The following SOS2 variants were observed in gnomAD, a reference collection of about 807,000 sequenced individuals.
The protein encoded by SOS2 is son of sevenless homolog 2.
SOS2 carries 65 observed loss-of-function variants against 148.2 expected under a neutral mutation model. The observed-to-expected ratio is 0.44, with a 90% confidence interval of 0.36 to 0.54. The LOEUF (loss-of-function observed/expected upper bound fraction) is 0.54. Among genes scored for constraint, SOS2 ranks in the 20% least tolerant of loss-of-function variants. The pLI, the probability that SOS2 is intolerant of heterozygous loss-of-function variation, is 0.00. For missense variants in SOS2, 1,341 were observed against 1,590.2 expected (o/e 0.84, Z 2.67); for synonymous variants, 539 against 537.1 (o/e 1.00, Z -0.05).
intron 16 of SOS2, among the ~76,000 whole-genome samples, chr14:50,140,388 T>C (rs1884231000): frequency 6.6e-6 from 1 of 152,232 alleles, no homozygotes; most frequent in Non-Finnish European, 1.5e-5. Context: ...ATTCAAATAT[T>C]TTTCCACTGA....
chr14:50,231,034 C>T (rs937991823), intron 1 of SOS2, 163 bp downstream of exon 1: 4 of 606,476 alleles, frequency 6.6e-6, no homozygotes, highest in African/African-American at 3.9e-5. Flanking sequence ...ACTTGAGAAA[C>T]GTCCTTCAGA....
intron 21 of SOS2, among the ~76,000 whole-genome samples, chr14:50,126,911 G>A (rs199550552): frequency 6.7e-6 from 1 of 150,038 alleles, no homozygotes. Context: ...ATGACAAAAT[G>A]AAAAAAAAAA....
intron 19 of SOS2, among the ~76,000 whole-genome samples, chr14:50,133,368 T>G (rs1883969895): frequency 6.6e-6 from 1 of 150,864 alleles, no homozygotes; most frequent in Non-Finnish European, 1.5e-5. Context: ...TGGCTAATTT[T>G]TTTGTATTTT....
intron 4 of SOS2, among the ~76,000 whole-genome samples, chr14:50,194,751 C>G (rs1886263105): frequency 6.7e-6 from 1 of 150,194 alleles, no homozygotes; most frequent in African/African-American, 2.4e-5. Context: ...GCGCTCCATA[C>G]TGGGTGACAG....
At chr14:50,188,438 T>C in intron 5 of SOS2, 59 bp downstream of exon 5, 2 of 1,148,954 alleles carry the variant, frequency 1.7e-6, no homozygotes, top group Non-Finnish European at 2.6e-6. Flanking sequence ...CTATTTATGA[T>C]TTTAAGCTGG....
rs1325424325 is a variant in SOS2 at position 50,117,806 on chromosome 14, C to G, written c.*538G>C. 6.6e-6 allele frequency: 1 copy of G among 152,198 alleles called. No individual in the cohort carries two copies. The highest frequency in any genetic ancestry group is 1.9e-4 in the East Asian group (1 of 5,202). 9.4% of individuals were successfully genotyped at this position (152,198 alleles called of 1,614,324 possible). On this transcript the variant is annotated 3_prime_UTR_variant, in exon 23 of 23. Transcript: ENST00000216373. ...TTTTCATCCTACTTTTCATTTTTGT[C>G]TTCAGCAGCAAATACCGGCATTTAA... is the stretch of plus-strand genomic sequence containing the variant.
Position 50,159,427 on chromosome 14 carries a change from A to C in SOS2, c.1852+4T>G. The C allele has an allele frequency of 6.3e-7, 1 of 1,579,432 alleles. No individual in the cohort carries two copies. The highest frequency in any genetic ancestry group is 8.6e-7 in the Non-Finnish European group (1 of 1,158,504). ...GGTCAGCAGTTGTAATGAGTTTCAC[A>C]TACCTGCATACATATGATATGTTAA... is the stretch of plus-strand genomic sequence containing the variant. On this transcript the variant is annotated splice_donor_region_variant and intron_variant, in intron 10 of 22. Transcript: ENST00000216373.
In SOS2 at chr14:50,157,083, TTGTC is replaced by T; in HGVS notation, c.1969_1972del (p.Asp657AsnfsTer4). The T allele has an allele frequency of 6.2e-7, 1 of 1,612,730 alleles. No homozygotes were observed. The highest frequency in any genetic ancestry group is 8.5e-7 in the Non-Finnish European group (1 of 1,179,122). ...CTGCTCGCCTTTCTCTATTGCCAAT[TTGTC>T]TGCGTCAGTAGGTTCTGGCTCTGGA... On this transcript the variant is annotated frameshift_variant, in exon 12 of 23. Coordinates refer to ENST00000216373, the MANE Select transcript of SOS2 (RefSeq NM_006939.4). LOFTEE classifies it high-confidence loss of function.
intron 8 of SOS2, among the ~76,000 whole-genome samples, chr14:50,172,304 A>T (rs1354210004): frequency 6.7e-6 from 1 of 150,294 alleles, no homozygotes; most frequent in Non-Finnish European, 1.5e-5. Flanking sequence ...TCCATTCCAC[A>T]TTTCTATTTG....
At chr14:50,209,538 G>A (rs12897662) in intron 1 of SOS2, among the ~76,000 whole-genome samples, 132,703 of 151,978 alleles carry the variant, frequency 0.87, 58,057 homozygotes, top group East Asian at 0.91. Flanking sequence ...AAGCTGAGGC[G>A]GGAGGATCGC....
chr14:50,141,590 C>CA (rs1037799594), intron 16 of SOS2, among the ~76,000 whole-genome samples: 27 of 150,704 alleles, frequency 1.8e-4, no homozygotes, highest in Non-Finnish European at 3.7e-4. Flanking sequence ...TCTGTCAAAA[C>CA]AAAAAAAACC....
intron 6 of SOS2, 146 bp from the exon 7 acceptor site, chr14:50,180,828 G>A: frequency 2.1e-6 from 1 of 469,852 alleles, no homozygotes; most frequent in South Asian, 4.0e-5. Context: ...GAGCAACAGA[G>A]TGAAACCCTG....
chr14:50,147,603 A>G (rs768020865), intron 14 of SOS2, among the ~76,000 whole-genome samples: 1 of 152,098 alleles, frequency 6.6e-6, no homozygotes, highest in Non-Finnish European at 1.5e-5. Flanking sequence ...AAATATAAAG[A>G]GAAATAGTAA....
chr14:50,218,218 G>GA (rs35149667), intron 1 of SOS2, among the ~76,000 whole-genome samples: 27 of 95,796 alleles, frequency 2.8e-4, no homozygotes, highest in East Asian at 8.5e-4. Context: ...TCGATAAAAG[G>GA]AAAAAAAAAA....
chr14:50,210,774 CTA>C lies in SOS2; in HGVS notation c.88-6367_88-6366del, dbSNP rs1229069659. ...TCACAAAAGAATAAATTCAAATAGC[CTA>C]TATATATATTAAAAAGTGCTCTAGC... On this transcript the variant is annotated intron_variant, in intron 1 of 22. Coordinates refer to ENST00000216373, the MANE Select transcript of SOS2 (RefSeq NM_006939.4). 4.0e-5 allele frequency among the ~76,000 whole-genome samples: 6 copies of C among 150,936 alleles called. No individual in the cohort carries two copies. In the East Asian group the frequency reaches 1.2e-3, roughly 30 times the overall value.
chr14:50,148,775 G>C (rs1884573752), intron 14 of SOS2, among the ~76,000 whole-genome samples: 1 of 152,140 alleles, frequency 6.6e-6, no homozygotes, highest in Admixed American at 6.5e-5. Flanking sequence ...AGAACATAAA[G>C]TAAACATAAT....
chr14:50,129,264 A>C (rs1010891531), intron 21 of SOS2, among the ~76,000 whole-genome samples: 4 of 152,152 alleles, frequency 2.6e-5, no homozygotes, highest in Non-Finnish European at 5.9e-5. Context: ...ATAAACATTT[A>C]CTATATTATT....
chr14:50,128,959 T>C (rs939564322), intron 21 of SOS2, among the ~76,000 whole-genome samples: 1 of 152,098 alleles, frequency 6.6e-6, no homozygotes, highest in Non-Finnish European at 1.5e-5. Context: ...AATTAAACAT[T>C]TAAAAGACTA....
intron 5 of SOS2, 31 bp downstream of exon 5, chr14:50,188,466 C>T: frequency 2.1e-6 from 3 of 1,431,254 alleles, no homozygotes; most frequent in South Asian, 1.2e-5. Context: ...TTTTGGGGTA[C>T]ACAGAATTTC....
Sources: allele counts gnomAD v4.1 joint callset (sites outside exome capture counted in the v4.1 genomes callset), GRCh38; gene constraint gnomAD v4.1.1; transcripts MANE v1.5; gene names NCBI Gene and HGNC (gene_info 2026-07-23, HGNC 2026-07-21).